Variants in MUSK observed in about 807,000 individuals in gnomAD.
MUSK encodes muscle, skeletal receptor tyrosine-protein kinase.
In MUSK, 55 loss-of-function variants were observed where a neutral mutation model predicts 88.7. The ratio of observed to expected loss-of-function variants is 0.62; its 90% CI spans 0.50 to 0.78. The LOEUF is 0.78. Ranked by LOEUF, MUSK falls within the 30% of genes least tolerant of loss-of-function variation. The probability of loss-of-function intolerance (pLI) is 0.00; values close to 1 mark genes in which losing one functional copy is unlikely to be tolerated. For synonymous variants in MUSK, 387 were observed against 391.9 expected (o/e 0.99, Z 0.15); for missense variants, 1,015 against 1,074.3 (o/e 0.94, Z 0.77).
At chr9:110,686,919 T>C (rs2076203287) in intron 2 of MUSK, among the ~76,000 whole-genome samples, 198 bp from the exon 3 acceptor site, 1 of 152,170 alleles carries the variant, frequency 6.6e-6, no homozygotes, top group African/African-American at 2.4e-5. Flanking sequence ...ACTTTGACTA[T>C]TGGAGCCTAA....
Position 110,783,952 on chromosome 9 carries a change from T to A in MUSK, c.1385-863T>A, listed in dbSNP as rs564911232. 2.0e-5 allele frequency among the ~76,000 whole-genome samples: 3 copies of A among 152,188 alleles called. No individual in the cohort carries two copies. In the South Asian group the frequency reaches 6.2e-4, roughly 32 times the overall value. On this transcript the variant is annotated intron_variant, in intron 11 of 14. Transcript: ENST00000374448. The stretch of plus-strand genomic sequence containing the variant: ...ATTGATTTTTTTCTTTTTAAAAATG[T>A]CCCATTGGATTTTATTTAATCTATT...
chr9:110,739,022 T>C (rs533692804), intron 6 of MUSK, among the ~76,000 whole-genome samples: 8 of 152,254 alleles, frequency 5.3e-5, no homozygotes, highest in Admixed American at 3.3e-4. Flanking sequence ...AACCTTTTTA[T>C]TGACAAACTC....
chr9:110,688,957 T>C (rs112150997), intron 3 of MUSK, among the ~76,000 whole-genome samples: 6 of 145,472 alleles, frequency 4.1e-5, no homozygotes, highest in African/African-American at 1.5e-4. Flanking sequence ...TATTTAAATA[T>C]AAATACATAC....
chr9:110,687,185 G>C lies in MUSK; in HGVS notation c.275G>C (p.Ser92Thr). 1 of 1,613,890 alleles carries C rather than the reference G, an allele frequency of 6.2e-7. No individual in the cohort carries two copies. The highest frequency in any genetic ancestry group is 8.5e-7 in the Non-Finnish European group (1 of 1,179,804). The stretch of plus-strand genomic sequence containing the variant: ...CTCACCATCCTGAGTGTGGAAGACA[G>C]TGATGATGGCATTTACTGCTGCACG... ...QLLTILSVED[S>T]DDGIYCCTAN... Residue 92 changes from serine (S) to threonine (T), a missense_variant, in exon 3 of 15, where the codon AGT (serine) becomes ACT (threonine). Coordinates refer to ENST00000374448, the MANE Select transcript of MUSK (RefSeq NM_005592.4).
chr9:110,687,554 C>T (rs894077851), intron 3 of MUSK, among the ~76,000 whole-genome samples: 4 of 151,940 alleles, frequency 2.6e-5, no homozygotes, highest in Admixed American at 6.6e-5. Context: ...AGGCTGGTCT[C>T]GAACTCCTGA....
intron 9 of MUSK, among the ~76,000 whole-genome samples, chr9:110,775,091 C>T (rs1471655401): frequency 1.3e-5 from 2 of 152,128 alleles, no homozygotes; most frequent in Admixed American, 6.6e-5. Flanking sequence ...CTGCAAAATT[C>T]CAAGTAGTCC....
chr9:110,763,562 G>A (rs566909144), intron 8 of MUSK, among the ~76,000 whole-genome samples: 3 of 152,272 alleles, frequency 2.0e-5, no homozygotes, highest in East Asian at 3.9e-4. Context: ...AACAGTTCCC[G>A]TTTGCTTTGA....
intron 3 of MUSK, among the ~76,000 whole-genome samples, chr9:110,689,879 T>C (rs1335305819): frequency 2.1e-5 from 2 of 95,432 alleles, no homozygotes; most frequent in African/African-American, 8.9e-5. Context: ...TATAAATATA[T>C]ATTTAAATAT....
At chr9:110,681,033 ATAT>A (rs1564209386) in intron 1 of MUSK, among the ~76,000 whole-genome samples, 2 of 45,470 alleles carry the variant, frequency 4.4e-5, no homozygotes, top group East Asian at 4.5e-4. Context: ...TATATATTAT[ATAT>A]TATATAATAT....
intron 5 of MUSK, among the ~76,000 whole-genome samples, chr9:110,729,955 T>C (rs1239513783): frequency 6.6e-6 from 1 of 152,068 alleles, no homozygotes; most frequent in Non-Finnish European, 1.5e-5. Context: ...ATCTTTTTAC[T>C]ATACCTTACT....
rs113055092 is a variant in MUSK, at chr9:110,799,703, T to A, written c.1928-603T>A. Among the ~76,000 whole-genome samples the A allele has an allele frequency of 1.9e-3, 292 of 152,292 alleles. 2 individuals carry two copies. The highest frequency in any genetic ancestry group is 6.6e-3 in the African/African-American group (275 of 41,566). The stretch of plus-strand genomic sequence containing the variant: ...TTAAAGAAGAATAAGGTTCAATCTC[T>A]CCTTTCAAAGTGCTAAAACGTTGGG... On this transcript the variant is annotated intron_variant, in intron 14 of 14. Transcript: ENST00000374448.
At chr9:110,693,946 T>G (rs2131707488) in intron 3 of MUSK, among the ~76,000 whole-genome samples, 1 of 152,188 alleles carries the variant, frequency 6.6e-6, no homozygotes, top group South Asian at 2.1e-4. Flanking sequence ...ATGTAGGTAT[T>G]TACAGTTTAT....
intron 5 of MUSK, among the ~76,000 whole-genome samples, chr9:110,714,562 G>A (rs1305964098): frequency 1.3e-5 from 2 of 152,280 alleles, no homozygotes; most frequent in African/African-American, 4.8e-5. Context: ...AGACAGAAAC[G>A]TAAACAGTGG....
At chr9:110,766,237 G>A (rs1277255347) in intron 8 of MUSK, among the ~76,000 whole-genome samples, 1 of 152,288 alleles carries the variant, frequency 6.6e-6, no homozygotes, top group East Asian at 1.9e-4. Context: ...AGAAAGAGAG[G>A]AGAGACAGGA....
At chr9:110,729,341 A>G (rs1017907495) in intron 5 of MUSK, among the ~76,000 whole-genome samples, 4 of 146,352 alleles carry the variant, frequency 2.7e-5, no homozygotes, top group Admixed American at 6.8e-5. Flanking sequence ...AAAAAAAAAA[A>G]AAAGAAAAAA....
intron 5 of MUSK, 30 bp from the exon 6 acceptor site, chr9:110,734,221 C>A (rs774756641): frequency 6.3e-7 from 1 of 1,591,810 alleles, no homozygotes; most frequent in African/African-American, 1.3e-5. Context: ...CCTGCAGGAG[C>A]GTCACTCACC....
chr9:110,738,203 T>C (rs1422518258), intron 6 of MUSK, among the ~76,000 whole-genome samples: 1 of 152,184 alleles, frequency 6.6e-6, no homozygotes, highest in South Asian at 2.1e-4. Flanking sequence ...GCTGGAAATA[T>C]CTGATCCTTT....
At chr9:110,669,863 A>T (rs1373118899) in intron 1 of MUSK, among the ~76,000 whole-genome samples, 1 of 152,234 alleles carries the variant, frequency 6.6e-6, no homozygotes, top group Non-Finnish European at 1.5e-5. Flanking sequence ...ATTTAATGTT[A>T]TACCATAGAG....
At chr9:110,687,717 A>T (rs1415609500) in intron 3 of MUSK, among the ~76,000 whole-genome samples, 1 of 152,106 alleles carries the variant, frequency 6.6e-6, no homozygotes, top group Non-Finnish European at 1.5e-5. Flanking sequence ...TTCAAGTTCA[A>T]GCACAACCCT....
Sources: allele counts gnomAD v4.1 joint callset (sites outside exome capture counted in the v4.1 genomes callset), GRCh38; gene constraint gnomAD v4.1.1; transcripts MANE v1.5; gene names NCBI Gene and HGNC (gene_info 2026-07-23, HGNC 2026-07-21).